The following ANAPC4 variants were observed in gnomAD, a reference collection of about 807,000 sequenced individuals.
The protein encoded by ANAPC4 is anaphase-promoting complex subunit 4.
In ANAPC4, 63 loss-of-function variants were observed where a neutral mutation model predicts 119.8. The ratio of observed to expected loss-of-function variants is 0.53; its 90% CI spans 0.43 to 0.65. ANAPC4 has a LOEUF of 0.65. ANAPC4 is among the 30% of genes least tolerant of loss of function. The probability of loss-of-function intolerance (pLI) is 0.00; values close to 1 mark genes in which losing one functional copy is unlikely to be tolerated. For missense variants in ANAPC4, 716 were observed against 945.1 expected (o/e 0.76, Z 3.18); for synonymous variants, 283 against 318.6 (o/e 0.89, Z 1.19).
Position 25,416,547 on chromosome 4 carries a change from A to G in ANAPC4, c.2024A>G (p.Tyr675Cys). ...GTCCAGCTGCCTTTGTCTTTAGTAT[A>G]TAACAGTGAAGATTCTGCAGAATAT... is the stretch of plus-strand genomic sequence containing the variant. ...LLVQLPLSLV[Y>C]NSEDSAEYQF... The change falls in exon 27 of 29, where the codon TAT (tyrosine) becomes TGT (cysteine). Residue 675 changes from tyrosine (Y) to cysteine (C), a missense_variant. Coordinates refer to ENST00000315368, the MANE Select transcript of ANAPC4 (RefSeq NM_013367.3). The G allele has an allele frequency of 6.3e-7, 1 of 1,593,026 alleles. No homozygotes were observed. The highest frequency in any genetic ancestry group is 1.1e-5 in the South Asian group (1 of 88,036).
At position 25,388,728 on chromosome 4, in the gene ANAPC4, C is replaced by T; in HGVS notation, c.455C>T (p.Thr152Ile). The change falls in exon 6 of 29, where the codon ACC becomes ATC. Residue 152 changes from threonine (T) to isoleucine (I), a missense_variant. Around this residue, in one of 3 missense-constraint regions of ANAPC4, gnomAD observed 202 missense variants for 293.5 expected, o/e 0.69. Transcript: ENST00000315368. ...CTGTTTCCTTCTAGCTATAGCAACA[C>T]CTCAAAAATATTTAGGTAAGATACG... ...LPTLPKNYSN[T>I]SKIFSEENSD... 1.2e-6 allele frequency: 2 copies of T among 1,607,648 alleles called. No individual in the cohort carries two copies. Among genetic ancestry groups the T allele is most frequent in the Non-Finnish European group, 1.7e-6 (2 of 1,176,306 alleles).
At position 25,414,368 on chromosome 4, in the gene ANAPC4, G is replaced by T. The variant is rs1267082995; in HGVS notation, c.1668G>T (p.Leu556Phe). The change falls in exon 23 of 29, where the codon TTG (leucine) becomes TTT (phenylalanine). Residue 556 changes from leucine (L) to phenylalanine (F), a missense_variant. Transcript: ENST00000315368. The stretch of plus-strand genomic sequence containing the variant: ...TGAATCAAGCAATCTGTATTCCATT[G>T]TATAGAGATACCAGAAGGTAATTCT... ...KSMNQAICIPLYRDTRSEDST... is the reference protein window; with the variant it reads ...KSMNQAICIPFYRDTRSEDST... The T allele has an allele frequency of 6.2e-7, 1 of 1,604,156 alleles. No individual in the cohort carries two copies. Among genetic ancestry groups the T allele is most frequent in the East Asian group, 2.2e-5 (1 of 44,652 alleles).
At chr4:25,410,719 T>G (rs1455212698) in intron 21 of ANAPC4, among the ~76,000 whole-genome samples, 4 of 152,192 alleles carry the variant, frequency 2.6e-5, no homozygotes, top group Non-Finnish European at 5.9e-5. Flanking sequence ...ACACCACTAG[T>G]GGAAAATTCC....
intron 17 of ANAPC4, 103 bp downstream of exon 17, chr4:25,403,129 T>C (rs904011186): frequency 1.1e-6 from 1 of 889,626 alleles, no homozygotes; most frequent in Non-Finnish European, 1.7e-6. Flanking sequence ...TCAAATACTT[T>C]GAGAGAACTA....
At chr4:25,400,868 G>A (rs1560440694) in intron 16 of ANAPC4, among the ~76,000 whole-genome samples, 1 of 152,086 alleles carries the variant, frequency 6.6e-6, no homozygotes, top group Non-Finnish European at 1.5e-5. Flanking sequence ...GGACAGATAG[G>A]AGGGGGTGTT....
In ANAPC4 at chr4:25,396,176, G is replaced by T. The variant is rs558368991; in HGVS notation, c.1062-488G>T. 1.5e-3 allele frequency among the ~76,000 whole-genome samples: 223 copies of T among 152,302 alleles called. 1 individual carries two copies. The highest frequency in any genetic ancestry group is 2.7e-3 in the Non-Finnish European group (184 of 68,024). On this transcript the variant is annotated intron_variant, in intron 14 of 28. Coordinates refer to ENST00000315368, the MANE Select transcript of ANAPC4 (RefSeq NM_013367.3). ...TTCTTCTGTTATACCTGCACCCCAT[G>T]TGTTTCCTTCAAGGCATTTATAGTA...
chr4:25,415,794 G>C, intron 26 of ANAPC4: 1 of 343,708 alleles, frequency 2.9e-6, no homozygotes, highest in East Asian at 4.7e-5. Context: ...TGTTGACAAA[G>C]AAAGTAATGT....
In ANAPC4 at chr4:25,405,078, AC is replaced by A. The variant is rs1723180261; in HGVS notation, c.1271-494del. Among the ~76,000 whole-genome samples, 2 of 151,554 alleles carry A rather than the reference AC, an allele frequency of 1.3e-5. No homozygotes were observed. ...TACAAAACACATAGTACTGATGAGG[AC>A]AATCCTGTGAAAGGACGGAGAGAGT... On this transcript the variant is annotated intron_variant, in intron 17 of 28. Transcript: ENST00000315368. This position sits in a 1 kb window ranked among gnomAD's most constrained non-coding sequence, Gnocchi z 4.6.
rs772302631 is a variant in ANAPC4, at chr4:25,405,624, T to G, written c.1317+5T>G. ...GTGCTTCCCGAGCTGAATAAGGTAG[T>G]ATGTACTAGTGCATTTTCACAGTGT... On this transcript the variant is annotated splice_donor_5th_base_variant and intron_variant, in intron 18 of 28. Coordinates refer to ENST00000315368, the MANE Select transcript of ANAPC4 (RefSeq NM_013367.3). The surrounding 1 kb of genome is among the most constrained non-coding windows in gnomAD (Gnocchi z 4.6). 16 of 1,613,316 alleles carry G rather than the reference T, an allele frequency of 9.9e-6. No homozygotes were observed. The Admixed American group carries it at 2.7e-4, about 27-fold the overall frequency.
intron 27 of ANAPC4, 190 bp from the exon 28 acceptor site, chr4:25,417,426 A>G: frequency 1.9e-6 from 1 of 529,010 alleles, no homozygotes; most frequent in Non-Finnish European, 2.9e-6. Context: ...TAGCCAGAAT[A>G]TAGAATATGG....
intron 21 of ANAPC4, among the ~76,000 whole-genome samples, chr4:25,412,504 TGGTAG>T (rs1723628231): frequency 1.3e-5 from 2 of 151,882 alleles, no homozygotes; most frequent in African/African-American, 4.8e-5. Context: ...AAACAAAAGA[TGGTAG>T]TCCTAGCACT....
chr4:25,394,542 C>G, intron 12 of ANAPC4, 129 bp from the exon 13 acceptor site: 1 of 1,099,384 alleles, frequency 9.1e-7, no homozygotes, highest in Non-Finnish European at 1.3e-6. Context: ...ATGTTACATG[C>G]GTAGAATTTT....
At chr4:25,404,646 C>T (rs532748578) in intron 17 of ANAPC4, among the ~76,000 whole-genome samples, 50 of 152,182 alleles carry the variant, frequency 3.3e-4, no homozygotes, top group African/African-American at 1.1e-3. Context: ...GCTTACCGCT[C>T]GGTCCTTCTC....
intron 16 of ANAPC4, among the ~76,000 whole-genome samples, chr4:25,399,724 C>T (rs566780286): frequency 1.6e-3 from 237 of 152,152 alleles, no homozygotes; most frequent in African/African-American, 5.4e-3. Context: ...GTGAGACTAG[C>T]GTTCAAGGGA....
intron 3 of ANAPC4, 107 bp from the exon 4 acceptor site, chr4:25,383,154 A>G (rs1328877723): frequency 9.4e-7 from 1 of 1,065,928 alleles, no homozygotes. Flanking sequence ...AAAAATTGCC[A>G]TGATGAAGAT....
At chr4:25,412,154 A>G (rs1723606576) in intron 21 of ANAPC4, among the ~76,000 whole-genome samples, 1 of 152,208 alleles carries the variant, frequency 6.6e-6, no homozygotes, top group Non-Finnish European at 1.5e-5. Flanking sequence ...GTTGTAAAGA[A>G]TATGACTCAG....
In ANAPC4 at chr4:25,416,554, T is replaced by C. The variant is rs1723887829; in HGVS notation, c.2031T>C (p.Ser677=). ...VQLPLSLVYN[S]EDSAEYQFTG... ...TGCCTTTGTCTTTAGTATATAACAG[T>C]GAAGATTCTGCAGAATATCAGTTCA... is the stretch of plus-strand genomic sequence containing the variant. The change falls in exon 27 of 29, where the codon AGT becomes AGC. Residue 677 remains serine (S), a synonymous_variant. Coordinates refer to ENST00000315368, the MANE Select transcript of ANAPC4 (RefSeq NM_013367.3). 6.3e-7 allele frequency: 1 copy of C among 1,581,528 alleles called. No individual in the cohort carries two copies. Among genetic ancestry groups the C allele is most frequent in the Admixed American group, 1.7e-5 (1 of 58,902 alleles).
intron 3 of ANAPC4, 160 bp downstream of exon 3, chr4:25,380,639 A>G: frequency 2.2e-6 from 1 of 461,208 alleles, no homozygotes; most frequent in Non-Finnish European, 3.7e-6. Context: ...TTTTTATAGA[A>G]CTCAGATTAA....
intron 16 of ANAPC4, 52 bp downstream of exon 16, chr4:25,396,951 A>G (rs752221193): frequency 6.6e-7 from 1 of 1,516,050 alleles, no homozygotes; most frequent in Non-Finnish European, 9.0e-7. Context: ...GTCACTTTTG[A>G]CCTAAATAAG....
Sources: gnomAD v4.1 joint callset for allele counts (sites outside exome capture counted in the v4.1 genomes callset) on GRCh38, gnomAD v4.1.1 for gene constraint, gnomAD v4.1.1 regional missense constraint, Gnocchi (gnomAD v3.1) non-coding constraint, MANE v1.5 for transcripts, NCBI Gene and HGNC (gene_info 2026-07-23, HGNC 2026-07-21) for gene names.